Variants in SLC10A6 observed in about 807,000 individuals in gnomAD.
The protein encoded by SLC10A6 is solute carrier family 10 member 6.
A neutral mutation model predicts 30.0 loss-of-function variants in SLC10A6; 27 were observed. That is an observed-to-expected ratio of 0.90 (90% confidence interval 0.66 to 1.24). The LOEUF is 1.24. Among genes scored for constraint, SLC10A6 ranks in the 50% most tolerant of loss-of-function variants. SLC10A6 has a pLI of 0.00. For missense variants in SLC10A6, 439 were observed against 457.0 expected (o/e 0.96, Z 0.36); for synonymous variants, 166 against 173.8 (o/e 0.95, Z 0.36).
chr4:86,827,241 T>C (rs1372190268), intron 4 of SLC10A6, among the ~76,000 whole-genome samples: 1 of 152,212 alleles, frequency 6.6e-6, no homozygotes, highest in Non-Finnish European at 1.5e-5. Flanking sequence ...TTCCTAATTG[T>C]TAAATTTGGA....
intron 2 of SLC10A6, among the ~76,000 whole-genome samples, chr4:86,832,421 A>G (rs1746094884): frequency 6.6e-6 from 1 of 152,120 alleles, no homozygotes; most frequent in African/African-American, 2.4e-5. Context: ...CCTGGGCAAC[A>G]CGGTGAAACC....
chr4:86,827,853 C>A, intron 4 of SLC10A6, 140 bp downstream of exon 4: 1 of 679,626 alleles, frequency 1.5e-6, no homozygotes, highest in Non-Finnish European at 2.2e-6. Context: ...GAATGACCCT[C>A]TTTTATGCTT....
At position 86,849,254 on chromosome 4, in the gene SLC10A6, T is replaced by C. The variant is rs543438775; in HGVS notation, c.-139A>G. The C allele has an allele frequency of 1.4e-4, 146 of 1,009,480 alleles. No individual in the cohort carries two copies. The African/African-American group carries it at 2.2e-3, about 15-fold the overall frequency. 62.5% of individuals were successfully genotyped at this position (1,009,480 alleles called of 1,614,324 possible). ...CAATAACTGTTGGCCAGCAAGGTGA[T>C]TCATCCTAATCTGATCAATTTTTTC... On this transcript the variant is annotated 5_prime_UTR_variant, in exon 1 of 6. Transcript: ENST00000273905.
intron 1 of SLC10A6, among the ~76,000 whole-genome samples, chr4:86,842,413 G>A (rs1746306204): frequency 6.6e-6 from 1 of 152,206 alleles, no homozygotes; most frequent in African/African-American, 2.4e-5. Context: ...GGGAGGCCAG[G>A]CGTAAGTGGC....
Position 86,823,789 on chromosome 4 carries a change from A to G in SLC10A6, c.1033T>C (p.Leu345=), listed in dbSNP as rs1377347009. 6.2e-7 allele frequency: 1 copy of G among 1,614,246 alleles called. No individual in the cohort carries two copies. The highest frequency in any genetic ancestry group is 8.5e-7 in the Non-Finnish European group (1 of 1,180,038). Residue 345 remains leucine (L), a synonymous_variant, in exon 6 of 6, where the codon TTG becomes CTG. Transcript: ENST00000273905. ...STSSRETNAF[L]EVNEEGAITP... is the part of the protein sequence containing the mutation. ...ATGGCACCTTCTTCATTCACCTCCA[A>G]GAAGGCATTGGTCTCTCTGGAAGAA...
At chr4:86,824,889 A>G (rs1175436473) in intron 5 of SLC10A6, among the ~76,000 whole-genome samples, 1 of 152,212 alleles carries the variant, frequency 6.6e-6, no homozygotes, top group East Asian at 1.9e-4. Flanking sequence ...AAAAGACTCC[A>G]AAGTAATGTA....
chr4:86,849,379 G>A lies in SLC10A6; in HGVS notation c.-264C>T, dbSNP rs1439245661. On this transcript the variant is annotated 5_prime_UTR_variant, in exon 1 of 6. Transcript: ENST00000273905. ...TCTGTTCTTACTCACCACTGAATAT[G>A]TATGTGAGATGAGACAAACAAACTT... 6 of 429,860 alleles carry A rather than the reference G, an allele frequency of 1.4e-5. No homozygotes were observed. The highest frequency in any genetic ancestry group is 2.1e-5 in the Non-Finnish European group (5 of 242,646). 26.6% of individuals were successfully genotyped at this position (429,860 alleles called of 1,614,324 possible). A position where few individuals can be genotyped will look rare whatever the true frequency, so the allele number is the denominator to read the frequency against.
At chr4:86,835,944 T>G (rs1412306647) in intron 1 of SLC10A6, among the ~76,000 whole-genome samples, 4 of 152,160 alleles carry the variant, frequency 2.6e-5, no homozygotes, top group Admixed American at 2.6e-4. Context: ...CAGTCTTTGG[T>G]GAACAAACCT....
chr4:86,837,314 G>A (rs1006531657), intron 1 of SLC10A6, among the ~76,000 whole-genome samples: 3 of 145,218 alleles, frequency 2.1e-5, no homozygotes, highest in Non-Finnish European at 3.0e-5. Flanking sequence ...AGGAAGGAAG[G>A]AAGGAAGGAA....
intron 4 of SLC10A6, among the ~76,000 whole-genome samples, chr4:86,826,546 CAATA>C (rs71598412): frequency 0.21 from 31,545 of 149,522 alleles, 3,551 homozygotes; most frequent in East Asian, 0.28. Flanking sequence ...AACGAGGTCT[CAATA>C]AATAAATAAA....
At chr4:86,840,747 G>A (rs1746275947) in intron 1 of SLC10A6, among the ~76,000 whole-genome samples, 1 of 152,120 alleles carries the variant, frequency 6.6e-6, no homozygotes, top group Admixed American at 6.5e-5. Context: ...CTAGCTCATT[G>A]ATAAATAACT....
rs1746439544 is a variant in SLC10A6, at chr4:86,849,015, A to G, written c.101T>C (p.Phe34Ser). ...LEVHGNLELV[F>S]TVVSTVMMGL... ...CATCATCACAGTGGACACCACTGTG[A>G]AAACGAGCTCCAGGTTTCCATGCAC... Residue 34 changes from phenylalanine to serine, a missense_variant, in exon 1 of 6, where the codon TTC becomes TCC. Coordinates refer to ENST00000273905, the MANE Select transcript of SLC10A6 (RefSeq NM_197965.3). The G allele has an allele frequency of 6.2e-7, 1 of 1,614,046 alleles. No homozygotes were observed. Among genetic ancestry groups the G allele is most frequent in the African/African-American group, 1.3e-5 (1 of 74,914 alleles).
At chr4:86,844,014 T>C (rs972761523) in intron 1 of SLC10A6, among the ~76,000 whole-genome samples, 6 of 151,748 alleles carry the variant, frequency 4.0e-5, no homozygotes, top group African/African-American at 1.5e-4. Context: ...CCATCTCTAC[T>C]AAAAATACAA....
At position 86,849,318 on chromosome 4, in the gene SLC10A6, A is replaced by C. The variant is rs993634549; in HGVS notation, c.-203T>G. 41 of 597,404 alleles carry C rather than the reference A, an allele frequency of 6.9e-5. No homozygotes were observed. The highest frequency in any genetic ancestry group is 7.6e-5 in the Non-Finnish European group (26 of 343,460). The allele number at this position is 597,404 out of a possible 1,614,324, so 37.0% of individuals were successfully genotyped here. A position where few individuals can be genotyped will look rare whatever the true frequency, so the allele number is the denominator to read the frequency against. The stretch of plus-strand genomic sequence containing the variant: ...TAAAAGTAATTATCACAGGCATGAA[A>C]CATATAATAAACTGTGGTAAGTAAG... On this transcript the variant is annotated 5_prime_UTR_variant, in exon 1 of 6. Coordinates refer to ENST00000273905, the MANE Select transcript of SLC10A6 (RefSeq NM_197965.3).
At chr4:86,825,800 C>G (rs572036541) in intron 4 of SLC10A6, among the ~76,000 whole-genome samples, 100 of 152,206 alleles carry the variant, frequency 6.6e-4, no homozygotes, top group African/African-American at 2.1e-3. Context: ...AGTAAAAAGA[C>G]AAGATAAACA....
intron 1 of SLC10A6, among the ~76,000 whole-genome samples, chr4:86,845,263 C>T (rs1289505258): frequency 1.3e-5 from 2 of 152,150 alleles, no homozygotes; most frequent in Non-Finnish European, 2.9e-5. Flanking sequence ...GGTCAGTTGG[C>T]ACTGCAGACT....
At chr4:86,846,169 T>C (rs1204195500) in intron 1 of SLC10A6, among the ~76,000 whole-genome samples, 1 of 152,236 alleles carries the variant, frequency 6.6e-6, no homozygotes, top group East Asian at 1.9e-4. Context: ...TGTAATTACT[T>C]AGATATTGTT....
chr4:86,844,945 G>A (rs988637248), intron 1 of SLC10A6, among the ~76,000 whole-genome samples: 2 of 152,016 alleles, frequency 1.3e-5, no homozygotes, highest in Non-Finnish European at 2.9e-5. Flanking sequence ...GAACAGCATG[G>A]GGGAAATCAA....
chr4:86,842,874 CTTT>C (rs1170640534), intron 1 of SLC10A6, among the ~76,000 whole-genome samples: 18 of 42,790 alleles, frequency 4.2e-4, no homozygotes, highest in East Asian at 1.8e-3. Flanking sequence ...TTCTTTCTTT[CTTT>C]TTTTTTTTGA....
Sources: gnomAD v4.1 joint callset for allele counts (sites outside exome capture counted in the v4.1 genomes callset) on GRCh38, gnomAD v4.1.1 for gene constraint, MANE v1.5 for transcripts, NCBI Gene and HGNC (gene_info 2026-07-23, HGNC 2026-07-21) for gene names.